CHD1L: variants seen among roughly 807,000 people sequenced by gnomAD.
CHD1L encodes the protein ATP-dependent chromatin remodeler CHD1L.
A neutral mutation model predicts 115.9 loss-of-function variants in CHD1L; 118 were observed. The ratio of observed to expected loss-of-function variants is 1.02; its 90% CI spans 0.88 to 1.19. The LOEUF is 1.19. CHD1L is among the 50% of genes most tolerant of loss of function. The pLI is 0.00. For missense variants in CHD1L, 1,179 were observed against 1,065.3 expected (o/e 1.11, Z -1.49); for synonymous variants, 411 against 387.1 (o/e 1.06, Z -0.72).
At chr1:147,242,679 G>A (rs1553931619), upstream of CHD1L, 5 of 1,263,904 alleles carry the variant, frequency 4.0e-6, no homozygotes, top group Non-Finnish European at 1.0e-6. Context: ...GCTTGGCCGC[G>A]CGGGGCGGGG....
In CHD1L at chr1:147,285,498, G is replaced by A. The variant is rs370213815; in HGVS notation, c.2018+11G>A. On this transcript the variant is annotated intron_variant, in intron 17 of 22. Coordinates refer to ENST00000369258, the MANE Select transcript of CHD1L (RefSeq NM_004284.6). ...TGAACATAAGAAAAAGTATGTCTGC[G>A]TTAACCAAGCTGGCGGCCACAGTTG... 322 of 1,604,084 alleles carry A rather than the reference G, an allele frequency of 2.0e-4. 1 individual carries two copies. Among genetic ancestry groups the A allele is most frequent in the African/African-American group, 2.6e-4 (19 of 74,200 alleles).
chr1:147,253,626 AG>A (rs11354161), intron 2 of CHD1L, among the ~76,000 whole-genome samples: 12,301 of 152,224 alleles, frequency 0.081, 626 homozygotes, highest in East Asian at 0.16. Flanking sequence ...TCTCCTGAGT[AG>A]CTGGGACTAC....
At chr1:147,261,420 A>G (rs111370771) in intron 6 of CHD1L, among the ~76,000 whole-genome samples, 26,309 of 148,642 alleles carry the variant, frequency 0.18, 2,970 homozygotes, top group Middle Eastern at 0.26. Flanking sequence ...TTTTATATAT[A>G]AAGGCCTTAA....
chr1:147,213,337 T>C, the CHD1L span: 25 of 1,612,288 alleles, frequency 1.6e-5, no homozygotes, highest in East Asian at 2.2e-5. Flanking sequence ...TAGATGAGCA[T>C]TGGTGTGATG....
In CHD1L at chr1:147,270,931, G is replaced by C; in HGVS notation, c.1086-1G>C. The C allele has an allele frequency of 6.2e-6, 10 of 1,613,732 alleles. No individual in the cohort carries two copies. The highest frequency in any genetic ancestry group is 8.5e-6 in the Non-Finnish European group (10 of 1,179,812). On this transcript the variant is annotated splice_acceptor_variant, in intron 10 of 22. Coordinates refer to ENST00000369258, the MANE Select transcript of CHD1L (RefSeq NM_004284.6). LOFTEE classifies it high-confidence loss of function. ...GTGTTTCCTTTTCTTTTTCTTGCCAGGGGCCATCGGGTTTTACTTTTCTCC... is the reference window on the plus strand; with the variant it reads ...GTGTTTCCTTTTCTTTTTCTTGCCACGGGCCATCGGGTTTTACTTTTCTCC...
At chr1:147,251,614 C>T (rs1002107225) in intron 1 of CHD1L, among the ~76,000 whole-genome samples, 26 of 152,026 alleles carry the variant, frequency 1.7e-4, no homozygotes, top group African/African-American at 6.0e-4. Context: ...CTACAACCTC[C>T]GCCTCCCGGG....
At chr1:147,186,753 G>A in the CHD1L span, 3 of 1,443,330 alleles carry the variant, frequency 2.1e-6, no homozygotes, top group South Asian at 4.5e-5. Context: ...TTTCATTGTA[G>A]GAAAAAGGAA....
At chr1:147,217,341 G>A in the CHD1L span, among the ~76,000 whole-genome samples, 1 of 151,994 alleles carries the variant, frequency 6.6e-6, no homozygotes, top group Non-Finnish European at 1.5e-5. Context: ...AATCTACCCA[G>A]CCTGTCACCG....
At chr1:147,233,379 G>T in the CHD1L span, among the ~76,000 whole-genome samples, 1 of 150,674 alleles carries the variant, frequency 6.6e-6, no homozygotes, top group Non-Finnish European at 1.5e-5. Flanking sequence ...GAGGTGGGGG[G>T]TCAGCCCCCC....
At chr1:147,294,635 C>A (rs1553975030) in intron 22 of CHD1L, 118 bp downstream of exon 22, 2 of 676,632 alleles carry the variant, frequency 3.0e-6, no homozygotes, top group African/African-American at 1.8e-5. Flanking sequence ...TCTTTACTTT[C>A]CCCCTCTTCA....
Position 147,272,058 on chromosome 1 carries a change from T to C in CHD1L, c.1160-113T>C, listed in dbSNP as rs587646270. ...TTGGGATTTGCTTAAAGTAGGGCTG[T>C]GCCTGTATATGGAAAGGGACAAAAT... is the stretch of plus-strand genomic sequence containing the variant. On this transcript the variant is annotated intron_variant, in intron 11 of 22. Transcript: ENST00000369258. 403 of 712,808 alleles carry C rather than the reference T, an allele frequency of 5.7e-4. 3 individuals carry two copies. In the South Asian group the frequency reaches 7.5e-3, roughly 13 times the overall value. The allele number at this position is 712,808 out of a possible 1,614,324, so 44.2% of individuals were successfully genotyped here. A position where few individuals can be genotyped will look rare whatever the true frequency, so the allele number is the denominator to read the frequency against.
At chr1:147,262,612 C>G (rs150351234) in intron 6 of CHD1L, among the ~76,000 whole-genome samples, 1 of 152,124 alleles carries the variant, frequency 6.6e-6, no homozygotes, top group South Asian at 2.1e-4. Context: ...GGAAACATTA[C>G]TTTTGACAAG....
chr1:147,238,712 TAAC>T (rs1553930256), upstream of CHD1L, among the ~76,000 whole-genome samples: 1 of 152,206 alleles, frequency 6.6e-6, no homozygotes, highest in African/African-American at 2.4e-5. Flanking sequence ...TTCAAAGTTA[TAAC>T]AATCATATGC....
chr1:147,237,431 A>G, the CHD1L span, among the ~76,000 whole-genome samples: 1 of 151,690 alleles, frequency 6.6e-6, no homozygotes, highest in Admixed American at 6.6e-5. Flanking sequence ...TGTGCCTGAG[A>G]GGGTAGGGCT....
At chr1:147,210,654 G>A in the CHD1L span, 2 of 152,136 alleles carry the variant, frequency 1.3e-5, no homozygotes. Context: ...CTAATGAAAA[G>A]ATTTCCTATT....
chr1:147,230,575 G>T, the CHD1L span, among the ~76,000 whole-genome samples: 3 of 94,102 alleles, frequency 3.2e-5, 1 homozygote, highest in South Asian at 4.1e-4. Flanking sequence ...AATAGTTTCA[G>T]AAGGAATGGT....
At chr1:147,233,311 C>T in the CHD1L span, among the ~76,000 whole-genome samples, 1 of 151,932 alleles carries the variant, frequency 6.6e-6, no homozygotes, top group Non-Finnish European at 1.5e-5. Context: ...AGCAGCCACC[C>T]CATCCAGGAG....
chr1:147,178,043 T>A, the CHD1L span: 5 of 749,372 alleles, frequency 6.7e-6, no homozygotes, highest in Non-Finnish European at 1.0e-5. Context: ...AAATAGGTGG[T>A]CGCGCGCCCG....
chr1:147,255,708 G>A lies in CHD1L; in HGVS notation c.348-105G>A, dbSNP rs41295827. The A allele has an allele frequency of 7.5e-3, 5,637 of 747,968 alleles. 37 individuals are homozygous for A. The highest frequency in any genetic ancestry group is 9.5e-3 in the Non-Finnish European group (4,381 of 462,782). 46.3% of individuals were successfully genotyped at this position (747,968 alleles called of 1,614,324 possible). ...AGACTCTGGTTGTAGGACCTCATGA[G>A]TTCTGTACATTGCAATCCTCCCATG... is the stretch of plus-strand genomic sequence containing the variant. On this transcript the variant is annotated intron_variant, in intron 3 of 22. Coordinates refer to ENST00000369258, the MANE Select transcript of CHD1L (RefSeq NM_004284.6).
Sources: gnomAD v4.1 joint callset for allele counts (sites outside exome capture counted in the v4.1 genomes callset) on GRCh38, gnomAD v4.1.1 for gene constraint, MANE v1.5 for transcripts, NCBI Gene and HGNC (gene_info 2026-07-23, HGNC 2026-07-21) for gene names.